CDON: variants seen among roughly 807,000 people sequenced by gnomAD.
CDON encodes the protein cell adhesion molecule-related/down-regulated by oncogenes.
In CDON, 73 loss-of-function variants were observed where a neutral mutation model predicts 120.9. The observed-to-expected ratio is 0.60, with a 90% CI of 0.50 to 0.73. The LOEUF (loss-of-function observed/expected upper bound fraction) is 0.73, where lower values mean the gene tolerates loss of function less well. CDON is among the 30% of genes least tolerant of loss of function. CDON has a pLI of 0.00. For missense variants in CDON, 1,470 were observed against 1,587.3 expected (o/e 0.93, Z 1.26); for synonymous variants, 566 against 573.5 (o/e 0.99, Z 0.19).
chr11:126,061,495 G>C (rs902054182), intron 1 of CDON, among the ~76,000 whole-genome samples: 1 of 152,176 alleles, frequency 6.6e-6, no homozygotes, highest in African/African-American at 2.4e-5. Context: ...GAATTATGCT[G>C]ACAATAAACT....
In CDON at chr11:126,056,564, A is replaced by G. The variant is rs192241382; in HGVS notation, c.-62+6015T>C. On this transcript the variant is annotated intron_variant, in intron 1 of 19. Coordinates refer to ENST00000531738, the MANE Select transcript of CDON (RefSeq NM_001378964.1). ...ACAAAATCCTTAATCAACATTTCCA[A>G]TAACAGAAATACAAGCTATTAACCA... Among the ~76,000 whole-genome samples the G allele has an allele frequency of 2.0e-4, 30 of 152,372 alleles. No individual in the cohort carries two copies. The East Asian group carries it at 4.8e-3, about 24-fold the overall frequency.
intron 15 of CDON, among the ~76,000 whole-genome samples, chr11:125,984,675 A>T (rs489564): frequency 4.7e-5 from 7 of 149,538 alleles, no homozygotes; most frequent in African/African-American, 1.2e-4. Context: ...TCAACCTGGA[A>T]GACAGAGTGA....
At chr11:126,054,349 C>G (rs962620011) in intron 1 of CDON, among the ~76,000 whole-genome samples, 5 of 152,176 alleles carry the variant, frequency 3.3e-5, no homozygotes, top group African/African-American at 1.2e-4. Context: ...CTACTACATA[C>G]ATTTTAAATA....
Position 126,001,659 on chromosome 11 carries a change from C to A in CDON, c.2158+60G>T, listed in dbSNP as rs12274729. The A allele has an allele frequency of 0.18, 273,247 of 1,519,856 alleles. 25,578 individuals carry two copies. The highest frequency in any genetic ancestry group is 0.19 in the Non-Finnish European group (210,726 of 1,097,620). 94.1% of individuals were successfully genotyped at this position (1,519,856 alleles called of 1,614,324 possible). On this transcript the variant is annotated intron_variant, in intron 11 of 19. Transcript: ENST00000531738. Reference sequence around the variant, plus strand: ...AAACACCCTATTCCACCCCACCTCCCAAAATCTGAAGCAGGTCAGTTATAT... The same window carrying A: ...AAACACCCTATTCCACCCCACCTCCAAAAATCTGAAGCAGGTCAGTTATAT...
chr11:125,981,437 C>T (rs969234165), intron 16 of CDON, 108 bp from the exon 17 acceptor site: 117 of 1,076,482 alleles, frequency 1.1e-4, no homozygotes, highest in Non-Finnish European at 1.3e-4. Flanking sequence ...CACGCACACA[C>T]GCACACAGTA....
intron 10 of CDON, among the ~76,000 whole-genome samples, chr11:126,002,211 GCTT>G (rs1320967587): frequency 6.6e-6 from 1 of 152,098 alleles, no homozygotes; most frequent in East Asian, 1.9e-4. Context: ...CCATTAAAGA[GCTT>G]CTGCTAAGTT....
chr11:126,031,088 G>A (rs949582162), intron 1 of CDON, among the ~76,000 whole-genome samples: 11 of 152,196 alleles, frequency 7.2e-5, no homozygotes, highest in African/African-American at 2.7e-4. Context: ...AATGCAATAA[G>A]AGAGTAAAAA....
intron 15 of CDON, among the ~76,000 whole-genome samples, chr11:125,984,496 C>T (rs1222624590): frequency 6.6e-6 from 1 of 152,080 alleles, no homozygotes; most frequent in African/African-American, 2.4e-5. Flanking sequence ...CAGGAGTTTG[C>T]GAACGGCCTG....
chr11:126,048,939 G>A (rs1948480904), intron 1 of CDON, among the ~76,000 whole-genome samples: 1 of 152,180 alleles, frequency 6.6e-6, no homozygotes, highest in Non-Finnish European at 1.5e-5. Context: ...CCAATCTCAG[G>A]TGATCCGCCC....
Position 126,019,705 on chromosome 11 carries a change from C to A in CDON, c.410G>T (p.Gly137Val). ...HVITAEEKSA[G>V]FIGCRVPESN... ...CTCCGGTACCCTGCAGCCAATGAAA[C>A]CAGCACTTTTTTCTTCTGCTGTAAT... is the stretch of plus-strand genomic sequence containing the variant. The change falls in exon 4 of 20, where the codon GGT (glycine) becomes GTT (valine). Residue 137 changes from glycine (G) to valine (V), a missense_variant. Transcript: ENST00000531738. The A allele has an allele frequency of 6.2e-7, 1 of 1,614,042 alleles. No homozygotes were observed.
chr11:125,989,731 G>A lies in CDON; in HGVS notation c.2679C>T (p.His893=). 6.2e-7 allele frequency: 1 copy of A among 1,612,960 alleles called. No homozygotes were observed. Among genetic ancestry groups the A allele is most frequent in the Non-Finnish European group, 8.5e-7 (1 of 1,179,124 alleles). ...EGSKQWHMIG[H]LQPETSYDIK... ...TGTCATAGGAGGTTTCTGGCTGCAG[G>A]TGGCCAATCATGTGCCACTGCTTTG... Residue 893 remains histidine (H), a synonymous_variant, in exon 15 of 20, where the codon CAC becomes CAT. Coordinates refer to ENST00000531738, the MANE Select transcript of CDON (RefSeq NM_001378964.1).
At chr11:126,006,342 T>C (rs1234673961) in intron 8 of CDON, among the ~76,000 whole-genome samples, 1 of 152,212 alleles carries the variant, frequency 6.6e-6, no homozygotes, top group Non-Finnish European at 1.5e-5. Flanking sequence ...GTATTCTTTT[T>C]AGTAATAATC....
intron 15 of CDON, among the ~76,000 whole-genome samples, chr11:125,984,654 G>A (rs1327755743): frequency 6.7e-6 from 1 of 148,380 alleles, no homozygotes; most frequent in Non-Finnish European, 1.5e-5. Flanking sequence ...CCCAGATCAC[G>A]CCACTGCACT....
At chr11:126,046,539 C>T (rs1948412121) in intron 1 of CDON, among the ~76,000 whole-genome samples, 1 of 152,184 alleles carries the variant, frequency 6.6e-6, no homozygotes. Flanking sequence ...CAAGCATCTA[C>T]TTTCTGAAGC....
chr11:125,984,203 T>C (rs1020153923), intron 15 of CDON, 110 bp from the exon 16 acceptor site: 2 of 778,968 alleles, frequency 2.6e-6, no homozygotes, highest in Non-Finnish European at 4.4e-6. Context: ...CTGTTTACTC[T>C]TGTTACTGAG....
intron 1 of CDON, among the ~76,000 whole-genome samples, chr11:126,032,974 C>G (rs1332784718): frequency 6.6e-6 from 1 of 152,184 alleles, no homozygotes; most frequent in Admixed American, 6.5e-5. Context: ...CACCACTGTA[C>G]TCCTAGCCTG....
chr11:126,001,897 G>A (rs759144499), intron 10 of CDON, 47 bp from the exon 11 acceptor site: 2 of 1,405,242 alleles, frequency 1.4e-6, no homozygotes, highest in Non-Finnish European at 2.0e-6. Context: ...ATATATGTAT[G>A]TAAAGTGGAA....
At chr11:126,052,647 A>C (rs1442028671) in intron 1 of CDON, among the ~76,000 whole-genome samples, 1 of 152,178 alleles carries the variant, frequency 6.6e-6, no homozygotes, top group African/African-American at 2.4e-5. Context: ...ACATGGCGAA[A>C]CCCTGTCCCT....
At chr11:125,965,619 G>A (rs997619427) in intron 18 of CDON, among the ~76,000 whole-genome samples, 1 of 152,164 alleles carries the variant, frequency 6.6e-6, no homozygotes, top group African/African-American at 2.4e-5. Flanking sequence ...GCTTTTAAGT[G>A]GGACCCTTGA....
Sources: allele counts gnomAD v4.1 joint callset (sites outside exome capture counted in the v4.1 genomes callset), GRCh38; gene constraint gnomAD v4.1.1; transcripts MANE v1.5; gene names NCBI Gene and HGNC (gene_info 2026-07-23, HGNC 2026-07-21).